Variants in ADGRG3 observed in about 807,000 individuals in gnomAD.
ADGRG3 encodes G protein-coupled receptor 97.
In ADGRG3, 39 loss-of-function variants were observed where a neutral mutation model predicts 54.3. The observed-to-expected ratio is 0.72, with a 90% CI of 0.56 to 0.94. The LOEUF (loss-of-function observed/expected upper bound fraction) is 0.94, where lower values mean the gene tolerates loss of function less well. ADGRG3 is among the 40% of genes least tolerant of loss of function. ADGRG3 has a pLI of 0.00. For synonymous variants in ADGRG3, 312 were observed against 290.0 expected (o/e 1.08, Z -0.77); for missense variants, 654 against 694.6 (o/e 0.94, Z 0.66).
chr16:57,688,503 G>T lies in ADGRG3; in HGVS notation c.*42G>T. On this transcript the variant is annotated 3_prime_UTR_variant, in exon 12 of 12. Transcript: ENST00000333493. ...AATATGGACTCAGCTCTGGCTCTCT[G>T]TGTGACCTTGGGCAGCTCCGTGCCT... The T allele has an allele frequency of 8.6e-7, 1 of 1,167,340 alleles. No individual in the cohort carries two copies. Among genetic ancestry groups the T allele is most frequent in the South Asian group, 1.2e-5 (1 of 82,128 alleles). 72.3% of individuals were successfully genotyped at this position (1,167,340 alleles called of 1,614,324 possible). A position where few individuals can be genotyped will look rare whatever the true frequency, so the allele number is the denominator to read the frequency against.
upstream of ADGRG3, among the ~76,000 whole-genome samples, chr16:57,665,861 G>A (rs1389819508): frequency 6.6e-6 from 1 of 152,190 alleles, no homozygotes; most frequent in African/African-American, 2.4e-5. Flanking sequence ...AGGCAGCTGG[G>A]TCTAGACTGG....
chr16:57,676,111 T>C, intron 2 of ADGRG3, 89 bp from the exon 3 acceptor site: 1 of 1,239,224 alleles, frequency 8.1e-7, no homozygotes, highest in East Asian at 2.4e-5. Context: ...CTTTGATAGT[T>C]TGGGTCAGCC....
At chr16:57,668,529 C>T (rs2048092442) in intron 1 of ADGRG3, 124 bp downstream of exon 1, 1 of 882,184 alleles carries the variant, frequency 1.1e-6, no homozygotes, top group African/African-American at 1.6e-5. Flanking sequence ...GGGATGTGTC[C>T]TCCGATACCC....
intron 1 of ADGRG3, 99 bp from the exon 2 acceptor site, chr16:57,673,222 C>A (rs2048193408): frequency 1.7e-6 from 2 of 1,190,918 alleles, no homozygotes; most frequent in East Asian, 2.4e-5. Context: ...AATTCTAGCC[C>A]AACCACCAGA....
At chr16:57,677,538 C>T (rs775009232) in intron 3 of ADGRG3, among the ~76,000 whole-genome samples, 2 of 152,060 alleles carry the variant, frequency 1.3e-5, no homozygotes, top group East Asian at 1.9e-4. Context: ...GCTGAGATAG[C>T]GCCATTGCAC....
chr16:57,679,356 G>A, intron 5 of ADGRG3, 45 bp downstream of exon 5: 2 of 1,607,924 alleles, frequency 1.2e-6, no homozygotes, highest in Non-Finnish European at 1.7e-6. Context: ...GGGCAGACAG[G>A]CGAGTGGGCA....
chr16:57,668,172 CCA>C, upstream of ADGRG3: 1 of 611,764 alleles, frequency 1.6e-6, no homozygotes, highest in Non-Finnish European at 2.9e-6. Flanking sequence ...GCCCAGTTCC[CCA>C]CACTCACCTT....
Position 57,680,508 on chromosome 16 carries a change from C to A in ADGRG3, c.772C>A (p.Pro258Thr). ...HLTFFALLLR[P>T]TLDQSTVHIL... ...CCGGTTCTGGGGTCACCCACAGAGACCCACCTTGGACCAGTCCACGGTGCA... is the reference window on the plus strand; with the variant it reads ...CCGGTTCTGGGGTCACCCACAGAGAACCACCTTGGACCAGTCCACGGTGCA... The change falls in exon 8 of 12, where the codon CCC becomes ACC. Residue 258 changes from proline to threonine, a missense_variant. Physicochemically the swap from Pro to Thr is conservative, Grantham distance 38. Coordinates refer to ENST00000333493, the MANE Select transcript of ADGRG3 (RefSeq NM_170776.5). The A allele has an allele frequency of 6.2e-7, 1 of 1,613,122 alleles. No homozygotes were observed. Among genetic ancestry groups the A allele is most frequent in the Non-Finnish European group, 8.5e-7 (1 of 1,179,218 alleles).
chr16:57,679,154 C>CT, intron 4 of ADGRG3, 23 bp from the exon 5 acceptor site: 1 of 1,612,888 alleles, frequency 6.2e-7, no homozygotes, highest in East Asian at 2.2e-5. Context: ...GCAGCCTGGC[C>CT]TCCCCGATCT....
In ADGRG3 at chr16:57,680,499, C is replaced by A. The variant is rs114751707; in HGVS notation, c.769-6C>A. ...GACGTGGTCCCGGTTCTGGGGTCAC[C>A]CACAGAGACCCACCTTGGACCAGTC... is the stretch of plus-strand genomic sequence containing the variant. On this transcript the variant is annotated splice_polypyrimidine_tract_variant and splice_region_variant and intron_variant, in intron 7 of 11. Coordinates refer to ENST00000333493, the MANE Select transcript of ADGRG3 (RefSeq NM_170776.5). The A allele has an allele frequency of 2.8e-3, 4,470 of 1,608,088 alleles. 87 individuals carry two copies. The African/African-American group carries it at 0.042, about 15-fold the overall frequency.
In ADGRG3 at chr16:57,668,380, C is replaced by A. The variant is rs773103772; in HGVS notation, c.33C>A (p.Leu11=). The stretch of plus-strand genomic sequence containing the variant: ...CGCCCAGGGGCCTGGGGGCCCTGCT[C>A]CTGCTCCTCCTGCTCCCGACCTCAG... MATPRGLGAL[L]LLLLLPTSGQ... is the part of the protein sequence containing the mutation. The change falls in exon 1 of 12, where the codon CTC becomes CTA. Residue 11 remains leucine (L), a synonymous_variant. Transcript: ENST00000333493. 3.2e-6 allele frequency: 5 copies of A among 1,574,122 alleles called. No individual in the cohort carries two copies. The African/African-American group carries it at 5.4e-5, about 17-fold the overall frequency.
At chr16:57,688,215 T>C in intron 11 of ADGRG3, 137 bp from the exon 12 acceptor site, 1 of 674,300 alleles carries the variant, frequency 1.5e-6, no homozygotes, top group Non-Finnish European at 2.7e-6. Context: ...GGTTGTGAAA[T>C]GGTTGCATTT....
intron 7 of ADGRG3, 54 bp downstream of exon 7, chr16:57,680,419 C>A: frequency 1.9e-6 from 3 of 1,563,712 alleles, no homozygotes; most frequent in African/African-American, 1.4e-5. Flanking sequence ...CCAGCTCCTG[C>A]CCTGGGGAGG....
chr16:57,675,012 A>AAAAAAAAAGC (rs35561154), intron 2 of ADGRG3, among the ~76,000 whole-genome samples: 5 of 115,456 alleles, frequency 4.3e-5, no homozygotes, highest in African/African-American at 3.0e-5. Flanking sequence ...AAAAAAAAAA[A>AAAAAAAAAGC]AGCAGCAGCA....
At chr16:57,683,315 T>C in intron 8 of ADGRG3, among the ~76,000 whole-genome samples, 1 of 152,224 alleles carries the variant, frequency 6.6e-6, no homozygotes, top group Admixed American at 6.5e-5. Flanking sequence ...TACGTTTGTG[T>C]GTCACCTCCA....
In ADGRG3 at chr16:57,676,326, G is replaced by A; in HGVS notation, c.333G>A (p.Leu111=). The part of the protein sequence containing the change: ...TNTAEDFYFS[L]EPSQVPRQVM... ...CTGCAGAAGACTTCTATTTCTCTCT[G>A]GAGCCCTCTCAGGTGAAGAGCTCCC... is the stretch of plus-strand genomic sequence containing the variant. The change falls in exon 3 of 12, where the codon CTG becomes CTA. Residue 111 remains leucine (L), a synonymous_variant. Transcript: ENST00000333493. 2 of 1,614,110 alleles carry A rather than the reference G, an allele frequency of 1.2e-6. No individual in the cohort carries two copies. Among genetic ancestry groups the A allele is most frequent in the Non-Finnish European group, 1.7e-6 (2 of 1,179,974 alleles).
At chr16:57,678,101 G>A (rs1479253495) in intron 3 of ADGRG3, 69 bp from the exon 4 acceptor site, 2 of 1,581,400 alleles carry the variant, frequency 1.3e-6, no homozygotes. Flanking sequence ...TCCCCTCCCA[G>A]CTGGGGGAGT....
intron 3 of ADGRG3, among the ~76,000 whole-genome samples, chr16:57,677,130 G>A (rs1375668946): frequency 6.6e-6 from 1 of 152,200 alleles, no homozygotes; most frequent in Non-Finnish European, 1.5e-5. Context: ...TCACCTACAT[G>A]TCCTTTCGTT....
chr16:57,680,712 C>A (rs1597772911), intron 8 of ADGRG3, 95 bp downstream of exon 8: 4 of 811,300 alleles, frequency 4.9e-6, no homozygotes, highest in Non-Finnish European at 2.1e-6. Context: ...CAGCCTCTGA[C>A]CGTTGTCCCC....
Sources: allele counts gnomAD v4.1 joint callset (sites outside exome capture counted in the v4.1 genomes callset), GRCh38; gene constraint gnomAD v4.1.1; transcripts MANE v1.5; gene names NCBI Gene and HGNC (gene_info 2026-07-23, HGNC 2026-07-21).